SLC24A2: variants seen among roughly 807,000 people sequenced by gnomAD.
SLC24A2 encodes the protein solute carrier family 24 member 2, also known as sodium/potassium/calcium exchanger 2.
A neutral mutation model predicts 62.0 loss-of-function variants in SLC24A2; 36 were observed. The ratio of observed to expected loss-of-function variants is 0.58; its 90% CI spans 0.44 to 0.77. SLC24A2 has a LOEUF of 0.77. Among genes scored for constraint, SLC24A2 ranks in the 30% least tolerant of loss-of-function variants. The probability of loss-of-function intolerance (pLI) is 0.00; values close to 1 mark genes in which losing one functional copy is unlikely to be tolerated. For missense variants in SLC24A2, 846 were observed against 817.9 expected (o/e 1.03, Z -0.42); for synonymous variants, 358 against 294.0 (o/e 1.22, Z -2.23).
chr9:20,023,208 C>T, the SLC24A2 span, among the ~76,000 whole-genome samples: 1 of 151,966 alleles, frequency 6.6e-6, no homozygotes, highest in Non-Finnish European at 1.5e-5. Flanking sequence ...ATGTATGGTC[C>T]CAAGGTTTGA....
At chr9:20,109,948 C>T in the SLC24A2 span, among the ~76,000 whole-genome samples, 2 of 152,102 alleles carry the variant, frequency 1.3e-5, no homozygotes, top group Non-Finnish European at 2.9e-5. Context: ...TAAAGATTTC[C>T]TCATGTTTAT....
intron 7 of SLC24A2, among the ~76,000 whole-genome samples, chr9:19,570,375 G>A (rs1835802814): frequency 6.6e-6 from 1 of 152,152 alleles, no homozygotes; most frequent in African/African-American, 2.4e-5. Flanking sequence ...CAGCTTGAAT[G>A]TTGCCTCTTC....
At chr9:19,538,910 A>T (rs1164548572) in intron 8 of SLC24A2, among the ~76,000 whole-genome samples, 3 of 128,216 alleles carry the variant, frequency 2.3e-5, no homozygotes, top group African/African-American at 9.0e-5. Context: ...CAGAGATTCA[A>T]CTTCTTCCTG....
At chr9:20,106,011 G>T in the SLC24A2 span, among the ~76,000 whole-genome samples, 251 of 152,114 alleles carry the variant, frequency 1.7e-3, no homozygotes, top group South Asian at 5.2e-3. Flanking sequence ...AATGATAAAG[G>T]GAATATCACC....
the SLC24A2 span, among the ~76,000 whole-genome samples, chr9:19,966,223 TA>T: frequency 2.0e-5 from 3 of 152,196 alleles, no homozygotes; most frequent in Non-Finnish European, 4.4e-5. Flanking sequence ...TATTTTTGTG[TA>T]TTTAAGGGTT....
the SLC24A2 span, among the ~76,000 whole-genome samples, chr9:19,805,044 C>T: frequency 6.6e-6 from 1 of 152,042 alleles, no homozygotes; most frequent in African/African-American, 2.4e-5. Flanking sequence ...TTAAAGCTGA[C>T]ATAATTTGAC....
the SLC24A2 span, among the ~76,000 whole-genome samples, chr9:19,854,060 C>T: frequency 1.3e-5 from 2 of 151,590 alleles, no homozygotes; most frequent in South Asian, 4.2e-4. Flanking sequence ...AATTTATCCA[C>T]TTCTATATTT....
the SLC24A2 span, among the ~76,000 whole-genome samples, chr9:20,138,513 A>G: frequency 6.6e-6 from 1 of 152,140 alleles, no homozygotes; most frequent in African/African-American, 2.4e-5. Context: ...AGGTTTGAAA[A>G]CAGATTCCAA....
the SLC24A2 span, among the ~76,000 whole-genome samples, chr9:20,306,429 G>C: frequency 6.6e-6 from 1 of 152,208 alleles, no homozygotes; most frequent in Admixed American, 6.5e-5. Flanking sequence ...TAGCTGTCTT[G>C]CTTAATTTTT....
In SLC24A2 at chr9:19,786,465, C is replaced by A. The variant is rs757158542; in HGVS notation, c.402G>T (p.Ala134=). 6.2e-7 allele frequency: 1 copy of A among 1,614,076 alleles called. No individual in the cohort carries two copies. The highest frequency in any genetic ancestry group is 2.2e-5 in the East Asian group (1 of 44,886). The change falls in exon 2 of 11, where the codon GCG becomes GCT. Residue 134 remains alanine (A), a synonymous_variant. Coordinates refer to ENST00000341998, the MANE Select transcript of SLC24A2 (RefSeq NM_020344.4). The surrounding 1 kb of genome is among the most constrained non-coding windows in gnomAD (Gnocchi z 5.0). ...TCATTCCAATGACATGCAGAATGAT[C>A]GCACCTTTTCTTCTCTCCTCAAGGG... ...IFSLEERRKG[A]IILHVIGMIY... is the part of the protein sequence containing the mutation.
At chr9:19,517,354 A>G (rs1832981982) in intron 10 of SLC24A2, among the ~76,000 whole-genome samples, 1 of 152,198 alleles carries the variant, frequency 6.6e-6, no homozygotes, top group South Asian at 2.1e-4. Flanking sequence ...ACAAAAGCTA[A>G]GGGAGGTTCA....
chr9:20,106,024 T>C, the SLC24A2 span, among the ~76,000 whole-genome samples: 4 of 152,108 alleles, frequency 2.6e-5, no homozygotes, highest in East Asian at 1.9e-4. Flanking sequence ...ATATCACCAC[T>C]GATCCCACAG....
At chr9:19,838,419 C>A in the SLC24A2 span, among the ~76,000 whole-genome samples, 10 of 151,448 alleles carry the variant, frequency 6.6e-5, no homozygotes, top group African/African-American at 9.7e-5. Context: ...AAAATTAATT[C>A]AAGATGGATT....
intron 8 of SLC24A2, among the ~76,000 whole-genome samples, chr9:19,545,332 C>CT (rs1254491041): frequency 1.3e-5 from 2 of 151,970 alleles, no homozygotes; most frequent in Non-Finnish European, 2.9e-5. Context: ...TTCGCGTAAC[C>CT]TTTTTTCAAG....
chr9:19,806,405 C>T, the SLC24A2 span, among the ~76,000 whole-genome samples: 2 of 152,100 alleles, frequency 1.3e-5, no homozygotes, highest in Admixed American at 6.6e-5. Context: ...GAAATCAATG[C>T]TTTGAAATAT....
the SLC24A2 span, among the ~76,000 whole-genome samples, chr9:19,795,702 A>C: frequency 6.6e-6 from 1 of 151,994 alleles, no homozygotes; most frequent in Non-Finnish European, 1.5e-5. Context: ...TTCCTCTCAC[A>C]ATATTCTCCC....
intron 1 of SLC24A2, among the ~76,000 whole-genome samples, chr9:19,788,010 TTC>T: frequency 6.6e-6 from 1 of 152,366 alleles, no homozygotes. Context: ...TTCTGAAGAG[TTC>T]TCTTTTTAGT....
At chr9:20,005,261 G>A in the SLC24A2 span, among the ~76,000 whole-genome samples, 6 of 151,994 alleles carry the variant, frequency 3.9e-5, no homozygotes, top group Non-Finnish European at 5.9e-5. Context: ...ACAAATTGTT[G>A]GACTTGGGAA....
At chr9:20,037,357 T>C in the SLC24A2 span, among the ~76,000 whole-genome samples, 1 of 152,166 alleles carries the variant, frequency 6.6e-6, no homozygotes, top group African/African-American at 2.4e-5. Flanking sequence ...ATGTTTTCGA[T>C]TTGAAGTTGG....
Sources: gnomAD v4.1 joint callset for allele counts (sites outside exome capture counted in the v4.1 genomes callset) on GRCh38, gnomAD v4.1.1 for gene constraint, Gnocchi (gnomAD v3.1) non-coding constraint, MANE v1.5 for transcripts, NCBI Gene and HGNC (gene_info 2026-07-23, HGNC 2026-07-21) for gene names.